KIF6: variants seen among roughly 807,000 people sequenced by gnomAD.
The protein encoded by KIF6 is kinesin-like protein KIF6.
KIF6 carries 106 observed loss-of-function variants against 112.7 expected under a neutral mutation model. The observed-to-expected ratio is 0.94, with a 90% CI of 0.80 to 1.11. The LOEUF (loss-of-function observed/expected upper bound fraction) is 1.11. Among genes scored for constraint, KIF6 ranks in the 50% least tolerant of loss-of-function variants. The probability of loss-of-function intolerance (pLI) is 0.00; values close to 1 mark genes in which losing one functional copy is unlikely to be tolerated. For synonymous variants in KIF6, 339 were observed against 339.9 expected (o/e 1.00, Z 0.03); for missense variants, 929 against 964.0 (o/e 0.96, Z 0.48).
chr6:39,443,238 C>T (rs939016837), intron 13 of KIF6, among the ~76,000 whole-genome samples: 8 of 151,576 alleles, frequency 5.3e-5, no homozygotes, highest in African/African-American at 1.9e-4. Context: ...TCCTTGACTG[C>T]TTCCAAAGGC....
intron 15 of KIF6, among the ~76,000 whole-genome samples, chr6:39,404,637 A>G (rs1453857486): frequency 8.5e-5 from 13 of 152,174 alleles, no homozygotes; most frequent in African/African-American, 7.2e-5. Flanking sequence ...TTATAAAATT[A>G]TTCTAGCTAT....
intron 16 of KIF6, among the ~76,000 whole-genome samples, chr6:39,379,092 G>C (rs528637306): frequency 1.4e-4 from 22 of 152,268 alleles, no homozygotes. Context: ...GATAAATTCT[G>C]GCTTGTATTT....
intron 13 of KIF6, among the ~76,000 whole-genome samples, chr6:39,534,268 T>C (rs557019988): frequency 4.3e-3 from 652 of 152,268 alleles, no homozygotes; most frequent in Admixed American, 7.4e-3. Flanking sequence ...TACTCTGAGC[T>C]ACAGGAGGAA....
Position 39,415,749 on chromosome 6 carries a change from C to A in KIF6, c.1810+4199G>T, listed in dbSNP as rs549075064. ...AGAACTGACAAATAGCAAAAACAGT[C>A]TGGTTTATTCTGCCGACAGAGACCC... On this transcript the variant is annotated intron_variant, in intron 15 of 22. Transcript: ENST00000287152. 3.3e-5 allele frequency among the ~76,000 whole-genome samples: 5 copies of A among 152,284 alleles called. No individual in the cohort carries two copies. In the South Asian group the frequency reaches 1.0e-3, roughly 32 times the overall value.
intron 14 of KIF6, among the ~76,000 whole-genome samples, chr6:39,427,667 G>C (rs1342231591): frequency 3.3e-5 from 5 of 152,196 alleles, no homozygotes; most frequent in Non-Finnish European, 7.3e-5. Context: ...CTTTTCAGAG[G>C]AAAGGTTGTG....
Position 39,670,999 on chromosome 6 carries a change from T to C in KIF6, c.252-31242A>G, listed in dbSNP as rs143205164. Among the ~76,000 whole-genome samples the C allele has an allele frequency of 6.8e-4, 103 of 152,358 alleles. 2 individuals carry two copies. The highest frequency in any genetic ancestry group is 2.0e-3 in the Admixed American group (31 of 15,304). On this transcript the variant is annotated intron_variant, in intron 3 of 22. Coordinates refer to ENST00000287152, the MANE Select transcript of KIF6 (RefSeq NM_145027.6). ...ATCACTAATTTGGTTTTTAATTCCA[T>C]ATGTATTTTGCACCTGTCACATACA...
chr6:39,516,615 GA>G (rs938889386), intron 13 of KIF6, among the ~76,000 whole-genome samples: 1 of 151,866 alleles, frequency 6.6e-6, no homozygotes, highest in Non-Finnish European at 1.5e-5. Context: ...AGTTGTCAAA[GA>G]AAATTTAGTG....
At chr6:39,673,518 TA>T (rs1786961243) in intron 3 of KIF6, among the ~76,000 whole-genome samples, 4 of 152,342 alleles carry the variant, frequency 2.6e-5, no homozygotes, top group Admixed American at 6.5e-5. Flanking sequence ...TTTACATCAC[TA>T]AAAAGTTATG....
intron 19 of KIF6, among the ~76,000 whole-genome samples, chr6:39,355,426 G>A (rs1002005308): frequency 4.6e-5 from 7 of 151,288 alleles, no homozygotes; most frequent in Non-Finnish European, 5.9e-5. Flanking sequence ...TGGTGTTGAG[G>A]GCTCACTGGC....
chr6:39,531,577 T>C (rs1340298986), intron 13 of KIF6, among the ~76,000 whole-genome samples: 1 of 152,176 alleles, frequency 6.6e-6, no homozygotes, highest in Non-Finnish European at 1.5e-5. Context: ...TGAGTACCGA[T>C]TTTATTTCAG....
At chr6:39,533,582 A>G (rs1433233374) in intron 13 of KIF6, among the ~76,000 whole-genome samples, 2 of 152,242 alleles carry the variant, frequency 1.3e-5, no homozygotes, top group Non-Finnish European at 2.9e-5. Flanking sequence ...CTCTGGGGGC[A>G]GGGCACAGAC....
intron 13 of KIF6, among the ~76,000 whole-genome samples, chr6:39,488,016 A>ATCTATCTATCTATCTATCTATCTAT (rs1775230298): frequency 3.3e-5 from 1 of 30,058 alleles, no homozygotes; most frequent in Non-Finnish European, 6.1e-5. Flanking sequence ...TATCTATCTA[A>ATCTATCTATCTATCTATCTATCTAT]TCATCCATCC....
intron 13 of KIF6, among the ~76,000 whole-genome samples, chr6:39,524,730 C>T (rs896074607): frequency 1.3e-5 from 2 of 152,218 alleles, no homozygotes; most frequent in Non-Finnish European, 2.9e-5. Context: ...AGGCTGTTGT[C>T]AGCTGGCAAA....
intron 20 of KIF6, among the ~76,000 whole-genome samples, chr6:39,346,090 C>CCCTCCCT (rs1763735399): frequency 2.7e-5 from 1 of 36,824 alleles, no homozygotes; most frequent in Non-Finnish European, 4.7e-5. Context: ...CTCTCTCCCC[C>CCCTCCCT]CCCTCTCCCT....
chr6:39,454,724 G>C (rs1242160433), intron 13 of KIF6, among the ~76,000 whole-genome samples: 5 of 152,236 alleles, frequency 3.3e-5, no homozygotes, highest in African/African-American at 1.2e-4. Context: ...CAAGGGGTCA[G>C]GGAGTTCCCT....
At chr6:39,592,362 T>A (rs1022736148) in intron 7 of KIF6, among the ~76,000 whole-genome samples, 3 of 152,198 alleles carry the variant, frequency 2.0e-5, no homozygotes, top group African/African-American at 7.2e-5. Flanking sequence ...TGGAAAATTA[T>A]CCTATGAAAA....
chr6:39,429,837 G>A (rs1005151710), intron 14 of KIF6, among the ~76,000 whole-genome samples: 48 of 152,092 alleles, frequency 3.2e-4, no homozygotes, highest in African/African-American at 1.1e-3. Flanking sequence ...GAACCCGGGA[G>A]GTGGAGGTTG....
At chr6:39,628,412 A>C (rs1380451519) in intron 5 of KIF6, among the ~76,000 whole-genome samples, 1 of 151,964 alleles carries the variant, frequency 6.6e-6, no homozygotes, top group Non-Finnish European at 1.5e-5. Flanking sequence ...ATTTAGTTTT[A>C]TGCAATTTTA....
Position 39,349,631 on chromosome 6 carries a change from CTTTTTTTTTTTTTTT to C in KIF6, c.2181-3120_2181-3106del, listed in dbSNP as rs58810898. On this transcript the variant is annotated intron_variant, in intron 19 of 22. Coordinates refer to ENST00000287152, the MANE Select transcript of KIF6 (RefSeq NM_145027.6). The stretch of plus-strand genomic sequence containing the variant: ...GAAGGTCTAGGTTTAATTTGTGGCT[CTTTTTTTTTTTTTTT>C]TTTTTTTTTTTTTTTGAGACAGGGT... Among the ~76,000 whole-genome samples, 30 of 64,562 alleles carry C rather than the reference CTTTTTTTTTTTTTTT, an allele frequency of 4.6e-4. 1 individual carries two copies. Among genetic ancestry groups the C allele is most frequent in the South Asian group, 1.5e-3 (2 of 1,368 alleles). The allele number at this position is 64,562 out of a possible 152,430, so 42.4% of individuals were successfully genotyped here. A position where few individuals can be genotyped will look rare whatever the true frequency, so the allele number is the denominator to read the frequency against.
Sources: gnomAD v4.1 joint callset for allele counts (sites outside exome capture counted in the v4.1 genomes callset) on GRCh38, gnomAD v4.1.1 for gene constraint, MANE v1.5 for transcripts, NCBI Gene and HGNC (gene_info 2026-07-23, HGNC 2026-07-21) for gene names.